IARS2: variants seen among roughly 807,000 people sequenced by gnomAD.
IARS2 encodes isoleucyl-tRNA synthetase 2, mitochondrial, also known as isoleucine--tRNA ligase, mitochondrial.
Under a neutral mutation model 126.3 loss-of-function variants are expected in IARS2, and 56 were observed. The observed-to-expected ratio is 0.44, with a 90% CI of 0.36 to 0.55. The LOEUF is 0.55. Ranked by LOEUF, IARS2 falls within the 20% of genes least tolerant of loss-of-function variation. The probability of loss-of-function intolerance (pLI) is 0.00; values close to 1 mark genes in which losing one functional copy is unlikely to be tolerated. For synonymous variants in IARS2, 407 were observed against 441.1 expected, an observed-to-expected ratio of 0.92 and a Z score of 0.97; for missense variants, 1,127 against 1,245.9, an observed-to-expected ratio of 0.90 and a Z score of 1.44.
At chr1:220,125,364 G>A (rs773614323) in intron 13 of IARS2, 25 bp downstream of exon 13, 24 of 1,387,452 alleles carry the variant, frequency 1.7e-5, no homozygotes, top group Non-Finnish European at 2.4e-5. Context: ...GTATTTAACA[G>A]CCTTTGTATG....
intron 15 of IARS2, among the ~76,000 whole-genome samples, chr1:220,135,272 G>A (rs1657348554): frequency 6.6e-6 from 1 of 152,150 alleles, no homozygotes; most frequent in African/African-American, 2.4e-5. Context: ...TCAAACGTGT[G>A]GGTGAAAGTA....
intron 14 of IARS2, among the ~76,000 whole-genome samples, chr1:220,132,724 C>T (rs1657294790): frequency 6.6e-6 from 1 of 151,776 alleles, no homozygotes; most frequent in Non-Finnish European, 1.5e-5. Flanking sequence ...TGGGGTTTCA[C>T]CATCTTGGCC....
At chr1:220,129,164 G>T (rs1657211690) in intron 14 of IARS2, among the ~76,000 whole-genome samples, 1 of 152,122 alleles carries the variant, frequency 6.6e-6, no homozygotes. Flanking sequence ...TTACAGACGT[G>T]AGCCACCGCA....
At chr1:220,141,599 T>C (rs555867619) in intron 19 of IARS2, among the ~76,000 whole-genome samples, 1 of 152,310 alleles carries the variant, frequency 6.6e-6, no homozygotes, top group South Asian at 2.1e-4. Flanking sequence ...CAGAATGAGA[T>C]AGCGTAGCCA....
At chr1:220,128,978 G>A (rs1657206986) in intron 14 of IARS2, among the ~76,000 whole-genome samples, 2 of 151,464 alleles carry the variant, frequency 1.3e-5, no homozygotes, top group Admixed American at 6.6e-5. Context: ...CTCAGCTTGA[G>A]TTCAAGTGAC....
Position 220,126,833 on chromosome 1 carries a change from T to C in IARS2, c.1827T>C (p.Tyr609=), listed in dbSNP as rs376689283. ...IWFDSGTSWS[Y]VLPGPDQRAD... is the part of the protein sequence containing the mutation. ...TTGATAGCGGAACTTCATGGTCTTA[T>C]GTTCTTCCAGGTAATTCTTAAAAAT... The change falls in exon 14 of 23, where the codon TAT becomes TAC. Residue 609 remains tyrosine (Y), a synonymous_variant. Transcript: ENST00000366922. 2.6e-5 allele frequency: 42 copies of C among 1,606,584 alleles called. No individual in the cohort carries two copies. In the African/African-American group the frequency reaches 5.0e-4, roughly 19 times the overall value.
rs1656389074 is a variant in IARS2, at chr1:220,094,282, G to T, written c.66G>T (p.Trp22Cys). 6.2e-7 allele frequency: 1 copy of T among 1,610,340 alleles called. No individual in the cohort carries two copies. Among genetic ancestry groups the T allele is most frequent in the Non-Finnish European group, 8.5e-7 (1 of 1,178,610 alleles). ...CCCTGGCCACTGCCCGAAGTTTGTG[G>T]GGGACGCCCCGCCTTCCCTGCAGCC... is the stretch of plus-strand genomic sequence containing the variant. ...AAALATARSLWGTPRLPCSPG... is the reference protein window; with the variant it reads ...AAALATARSLCGTPRLPCSPG... The change falls in exon 1 of 23, where the codon TGG becomes TGT. Residue 22 changes from tryptophan to cysteine, a missense_variant. Coordinates refer to ENST00000366922, the MANE Select transcript of IARS2 (RefSeq NM_018060.4).
Position 220,134,503 on chromosome 1 carries a change from C to A in IARS2, c.1939C>A (p.Pro647Thr). The change falls in exon 15 of 23, where the codon CCT (proline) becomes ACT (threonine). Residue 647 changes from proline to threonine, a missense_variant. Physicochemically the swap from Pro to Thr is conservative, Grantham distance 38 (BLOSUM62 -1). Transcript: ENST00000366922. ...LTSVAARKRA[P>T]YKTVIVHGFT... ...AAGTGTGGCAGCAAGGAAGAGAGCA[C>A]CTTATAAGTAAGTATTTATGCCTGA... is the stretch of plus-strand genomic sequence containing the variant. 6.2e-7 allele frequency: 1 copy of A among 1,607,074 alleles called. No individual in the cohort carries two copies. The highest frequency in any genetic ancestry group is 2.2e-5 in the East Asian group (1 of 44,752).
intron 12 of IARS2, among the ~76,000 whole-genome samples, chr1:220,119,953 A>G (rs1657004010): frequency 6.6e-6 from 1 of 151,864 alleles, no homozygotes; most frequent in South Asian, 2.1e-4. Flanking sequence ...TTTTCAAATT[A>G]TCTTTTTAGA....
At chr1:220,095,227 T>G (rs1413124528) in intron 1 of IARS2, among the ~76,000 whole-genome samples, 1 of 152,098 alleles carries the variant, frequency 6.6e-6, no homozygotes, top group Non-Finnish European at 1.5e-5. Flanking sequence ...TTAGTAGAGA[T>G]GGAGTTTCAC....
chr1:220,095,527 C>G (rs1020218054), intron 1 of IARS2, among the ~76,000 whole-genome samples: 5 of 152,172 alleles, frequency 3.3e-5, no homozygotes, highest in South Asian at 2.1e-4. Context: ...GAAAGAGTGA[C>G]AGTTTCAAAT....
intron 12 of IARS2, among the ~76,000 whole-genome samples, chr1:220,119,991 GT>G (rs1172355875): frequency 6.6e-6 from 1 of 150,678 alleles, no homozygotes; most frequent in African/African-American, 2.4e-5. Flanking sequence ...GTTTATCTTT[GT>G]TTTTATCATC....
chr1:220,108,650 G>T (rs1656731132), intron 10 of IARS2, among the ~76,000 whole-genome samples: 1 of 151,860 alleles, frequency 6.6e-6, no homozygotes, highest in Admixed American at 6.6e-5. Context: ...CTCCCAAAAT[G>T]CTGGGTTTAC....
chr1:220,111,937 G>A (rs534486447), intron 11 of IARS2, among the ~76,000 whole-genome samples: 6 of 151,804 alleles, frequency 4.0e-5, no homozygotes, highest in African/African-American at 1.4e-4. Flanking sequence ...TTTGGTTGTA[G>A]AACATCTAAG....
In IARS2 at chr1:220,140,188, C is replaced by A. The variant is rs147818631; in HGVS notation, c.2313C>A (p.Thr771=). The change falls in exon 19 of 23, where the codon ACC becomes ACA. Residue 771 remains threonine, a synonymous_variant. Transcript: ENST00000366922. The part of the protein sequence containing the change: ...HLLQDLANKI[T]ELYKQYDFGK... ...ATTTTGGCTTTGTTCCCTAGATTACCGAATTATACAAACAATATGATTTTG... is the reference window on the plus strand; with the variant it reads ...ATTTTGGCTTTGTTCCCTAGATTACAGAATTATACAAACAATATGATTTTG... 6.9e-6 allele frequency: 11 copies of A among 1,602,650 alleles called. No individual in the cohort carries two copies. Among genetic ancestry groups the A allele is most frequent in the Non-Finnish European group, 8.5e-7 (1 of 1,170,374 alleles).
intron 12 of IARS2, among the ~76,000 whole-genome samples, chr1:220,124,696 A>T (rs1185770556): frequency 6.6e-6 from 1 of 152,242 alleles, no homozygotes; most frequent in African/African-American, 2.4e-5. Flanking sequence ...TCTTGTGCAG[A>T]TGCCTGTAAG....
At chr1:220,120,302 G>C (rs182870227) in intron 12 of IARS2, among the ~76,000 whole-genome samples, 5 of 151,550 alleles carry the variant, frequency 3.3e-5, no homozygotes, top group African/African-American at 1.2e-4. Context: ...GGCTGGTCTC[G>C]AACTCCCCAC....
At position 220,102,113 on chromosome 1, in the gene IARS2, T is replaced by C. The variant is rs373464940; in HGVS notation, c.551-16T>C. On this transcript the variant is annotated splice_polypyrimidine_tract_variant and intron_variant, in intron 3 of 22. Transcript: ENST00000366922. ...TTCATTGGTTTTTTAAAATCTTTTT[T>C]TCGTCTTTTTTTTAGCTAGATCATT... is the stretch of plus-strand genomic sequence containing the variant. 1.3e-6 allele frequency: 2 copies of C among 1,589,796 alleles called. No homozygotes were observed. The highest frequency in any genetic ancestry group is 2.2e-5 in the East Asian group (1 of 44,776).
chr1:220,109,501 T>C (rs1487055516), intron 10 of IARS2, among the ~76,000 whole-genome samples: 1 of 152,058 alleles, frequency 6.6e-6, no homozygotes. Context: ...TTCAAAATAA[T>C]ACAAAAATTT....
Sources: allele counts gnomAD v4.1 joint callset (sites outside exome capture counted in the v4.1 genomes callset), GRCh38; gene constraint gnomAD v4.1.1; transcripts MANE v1.5; gene names NCBI Gene and HGNC (gene_info 2026-07-23, HGNC 2026-07-21).